NTM: variants seen among roughly 807,000 people sequenced by gnomAD.
NTM encodes neurotrimin.
Under a neutral mutation model 42.1 loss-of-function variants are expected in NTM, and 13 were observed. The observed-to-expected ratio is 0.31, with a 90% CI of 0.20 to 0.49. NTM has a LOEUF of 0.49. NTM is among the 20% of genes least tolerant of loss of function. The pLI is 0.99. For missense variants in NTM, 373 were observed against 452.8 expected (o/e 0.82, Z 1.60); for synonymous variants, 187 against 179.2 (o/e 1.04, Z -0.35).
intron 1 of NTM, among the ~76,000 whole-genome samples, chr11:131,772,910 A>G (rs2086345473): frequency 6.6e-6 from 1 of 152,216 alleles, no homozygotes; most frequent in South Asian, 2.1e-4. Context: ...ATCTGAGGTG[A>G]GACTTAACTG....
intron 1 of NTM, among the ~76,000 whole-genome samples, chr11:131,672,976 C>T (rs557354223): frequency 2.1e-4 from 8 of 38,034 alleles, no homozygotes; most frequent in African/African-American, 1.1e-3. Flanking sequence ...ACCACGGTGC[C>T]GGGGTGGGGG....
intron 1 of NTM, among the ~76,000 whole-genome samples, chr11:131,649,399 A>G (rs1278561833): frequency 6.6e-6 from 1 of 152,182 alleles, no homozygotes; most frequent in Non-Finnish European, 1.5e-5. Context: ...ATTGAACGGG[A>G]TAAAAAGTGG....
At chr11:131,607,778 T>C (rs1176992998) in intron 1 of NTM, among the ~76,000 whole-genome samples, 2 of 152,234 alleles carry the variant, frequency 1.3e-5, no homozygotes, top group Non-Finnish European at 2.9e-5. Context: ...CCATGCTAGA[T>C]TGTAAACTGG....
At chr11:131,552,504 C>CAA (rs36101549) in intron 1 of NTM, among the ~76,000 whole-genome samples, 1,999 of 73,114 alleles carry the variant, frequency 0.027, 64 homozygotes, top group African/African-American at 0.08. Context: ...GACTCCGTCT[C>CAA]AAAAAAAAAA....
At chr11:132,330,712 G>A (rs1304868072) in intron 8 of NTM, among the ~76,000 whole-genome samples, 1 of 152,184 alleles carries the variant, frequency 6.6e-6, no homozygotes. Context: ...GTTTCCGATG[G>A]ATAATTGACA....
chr11:131,382,297 AC>A (rs1164674263), intron 1 of NTM, among the ~76,000 whole-genome samples: 1 of 152,154 alleles, frequency 6.6e-6, no homozygotes, highest in Admixed American at 6.5e-5. Context: ...AAACAGGAGG[AC>A]AAAGAACACA....
At chr11:131,451,038 A>G (rs1950446303) in intron 1 of NTM, among the ~76,000 whole-genome samples, 3 of 152,206 alleles carry the variant, frequency 2.0e-5, no homozygotes, top group Non-Finnish European at 4.4e-5. Context: ...CAAAATTGAT[A>G]TTAACCATTT....
intron 1 of NTM, among the ~76,000 whole-genome samples, chr11:131,844,894 A>G (rs2044722391): frequency 6.6e-6 from 1 of 152,180 alleles, no homozygotes; most frequent in Non-Finnish European, 1.5e-5. Flanking sequence ...AGATAATCAT[A>G]TCATTAGGCA....
chr11:132,297,132 C>T (rs2094642018), intron 4 of NTM, among the ~76,000 whole-genome samples: 1 of 152,216 alleles, frequency 6.6e-6, no homozygotes, highest in African/African-American at 2.4e-5. Context: ...TGTCTGCCCT[C>T]TCCATGCCAA....
chr11:132,289,878 T>C (rs979491929), intron 4 of NTM, among the ~76,000 whole-genome samples: 1 of 152,230 alleles, frequency 6.6e-6, no homozygotes, highest in Non-Finnish European at 1.5e-5. Flanking sequence ...GCCTTATCTT[T>C]CCACATCCTC....
At chr11:131,854,419 G>A (rs79016398) in intron 1 of NTM, among the ~76,000 whole-genome samples, 2,305 of 152,340 alleles carry the variant, frequency 0.015, 60 homozygotes, top group African/African-American at 0.052. Flanking sequence ...TGGGGAATTC[G>A]CATGGTGTAA....
intron 4 of NTM, among the ~76,000 whole-genome samples, chr11:132,212,504 T>A (rs973118319): frequency 2.0e-5 from 3 of 152,192 alleles, no homozygotes; most frequent in African/African-American, 7.2e-5. Flanking sequence ...AGAAAACACA[T>A]AATGATGGGT....
chr11:131,671,616 G>T, intron 1 of NTM: 3 of 985,222 alleles, frequency 3.0e-6, no homozygotes, highest in Non-Finnish European at 3.6e-6. Flanking sequence ...ACTTGGCAGA[G>T]GTGGCAAATG....
intron 1 of NTM, chr11:131,795,669 T>C: frequency 2.0e-5 from 20 of 985,350 alleles, no homozygotes; most frequent in Non-Finnish European, 2.4e-5. Context: ...TGCCCATAAG[T>C]TCAGGGCGAA....
chr11:131,376,909 C>A (rs1395563764), intron 1 of NTM, among the ~76,000 whole-genome samples: 1 of 152,134 alleles, frequency 6.6e-6, no homozygotes, highest in Non-Finnish European at 1.5e-5. Context: ...ACGTTCGGTG[C>A]ACTGTTTTAG....
At chr11:131,694,259 A>G (rs2075151981) in intron 1 of NTM, among the ~76,000 whole-genome samples, 1 of 152,254 alleles carries the variant, frequency 6.6e-6, no homozygotes, top group Non-Finnish European at 1.5e-5. Flanking sequence ...GAATGTAAGT[A>G]ATAGTGATGA....
chr11:132,121,986 C>A lies in NTM; in HGVS notation c.168-24296C>A, dbSNP rs114877327. On this transcript the variant is annotated intron_variant, in intron 2 of 8. Coordinates refer to ENST00000683400, the MANE Select transcript of NTM (RefSeq NM_001352005.2). ...GCAGACAGATCTAATCACCTAGACA[C>A]CATGGGCTGGCATTCATTGCAGCCT... 3.9e-5 allele frequency among the ~76,000 whole-genome samples: 6 copies of A among 152,182 alleles called. No homozygotes were observed. In the South Asian group the frequency reaches 1.2e-3, roughly 32 times the overall value.
At chr11:132,174,398 T>A (rs901101419) in intron 3 of NTM, among the ~76,000 whole-genome samples, 1 of 152,228 alleles carries the variant, frequency 6.6e-6, no homozygotes, top group Non-Finnish European at 1.5e-5. Flanking sequence ...TGCATTATTT[T>A]AGGCTCTAAA....
At chr11:131,997,123 G>T (rs77516083) in intron 2 of NTM, among the ~76,000 whole-genome samples, 6,134 of 152,214 alleles carry the variant, frequency 0.04, 181 homozygotes, top group Non-Finnish European at 0.056. Flanking sequence ...TGTTACCTCT[G>T]TTTCTTTGAT....
Sources: allele counts gnomAD v4.1 joint callset (sites outside exome capture counted in the v4.1 genomes callset), GRCh38; gene constraint gnomAD v4.1.1; transcripts MANE v1.5; gene names NCBI Gene and HGNC (gene_info 2026-07-23, HGNC 2026-07-21).